The following CADPS variants were observed in gnomAD, a reference collection of about 807,000 sequenced individuals.
The protein encoded by CADPS is calcium-dependent secretion activator 1.
A neutral mutation model predicts 167.3 loss-of-function variants in CADPS; 57 were observed. The observed-to-expected ratio is 0.34, with a 90% CI of 0.28 to 0.42. The LOEUF is 0.42. Among genes scored for constraint, CADPS ranks in the 20% least tolerant of loss-of-function variants. CADPS has a pLI of 1.00. For missense variants in CADPS, 1,414 were observed against 1,738.1 expected, an observed-to-expected ratio of 0.81 and a Z score of 3.32; for synonymous variants, 676 against 635.3, an observed-to-expected ratio of 1.06 and a Z score of -0.96.
Position 62,403,098 on chromosome 3 carries a change from G to C in CADPS, c.3865C>G (p.Leu1289Val). Residue 1289 changes from leucine (L) to valine (V), a missense_variant, in exon 29 of 30, where the codon CTA becomes GTA. Physicochemically the swap from Leu to Val is conservative, Grantham distance 32. This residue lies in a region of CADPS where 185 missense variants were observed against 251.5 expected (regional missense o/e 0.74). Coordinates refer to ENST00000383710, the MANE Select transcript of CADPS (RefSeq NM_003716.4). The part of the protein sequence containing the change: ...LQLHIYQLKT[L>V]IRMVKKTYRD... ...TCTTTTACCTTTACCATCCTAATTAGTGTTTTCAACTGATAAATATGAAGC... is the reference window on the plus strand; with the variant it reads ...TCTTTTACCTTTACCATCCTAATTACTGTTTTCAACTGATAAATATGAAGC... 1 of 1,602,480 alleles carries C rather than the reference G, an allele frequency of 6.2e-7. No individual in the cohort carries two copies. The highest frequency in any genetic ancestry group is 8.5e-7 in the Non-Finnish European group (1 of 1,169,858).
intron 3 of CADPS, among the ~76,000 whole-genome samples, chr3:62,706,458 A>G (rs2082318995): frequency 6.6e-6 from 1 of 152,096 alleles, no homozygotes; most frequent in South Asian, 2.1e-4. Flanking sequence ...GAAAAGAACT[A>G]TATGGGTTTG....
chr3:62,817,603 CT>C, intron 1 of CADPS, among the ~76,000 whole-genome samples: 1 of 152,094 alleles, frequency 6.6e-6, no homozygotes, highest in Non-Finnish European at 1.5e-5. Context: ...CTGGAGTTTC[CT>C]TTAAAGAGAA....
intron 6 of CADPS, among the ~76,000 whole-genome samples, chr3:62,597,159 G>A (rs2059049055): frequency 1.3e-5 from 2 of 152,046 alleles, no homozygotes; most frequent in African/African-American, 4.8e-5. Context: ...GAAAGACCCA[G>A]GCTTTTTATT....
At chr3:62,809,360 T>C (rs140200839) in intron 1 of CADPS, among the ~76,000 whole-genome samples, 20 of 152,330 alleles carry the variant, frequency 1.3e-4, no homozygotes, top group African/African-American at 4.8e-4. Context: ...GTGATGTCAC[T>C]ACCTTTGCCC....
At chr3:62,475,076 G>A (rs1010825458) in intron 23 of CADPS, among the ~76,000 whole-genome samples, 5 of 152,016 alleles carry the variant, frequency 3.3e-5, no homozygotes, top group East Asian at 1.9e-4. Flanking sequence ...TTATATGTAC[G>A]CTTAATATAC....
At chr3:62,711,684 A>C (rs2083417377) in intron 3 of CADPS, among the ~76,000 whole-genome samples, 1 of 152,196 alleles carries the variant, frequency 6.6e-6, no homozygotes. Flanking sequence ...ACTGAATCCC[A>C]AGTCTCCCCT....
intron 3 of CADPS, among the ~76,000 whole-genome samples, chr3:62,748,680 G>A (rs1475117913): frequency 1.1e-4 from 17 of 152,124 alleles, no homozygotes; most frequent in Admixed American, 1.1e-3. Context: ...TCATTTCTCA[G>A]ATAATAAAAC....
At chr3:62,806,447 G>A (rs1327376275) in intron 1 of CADPS, among the ~76,000 whole-genome samples, 1 of 151,776 alleles carries the variant, frequency 6.6e-6, no homozygotes, top group African/African-American at 2.4e-5. Flanking sequence ...CAGGAAGATT[G>A]CTTGAGTATG....
chr3:62,683,192 G>T (rs771263335), intron 3 of CADPS, among the ~76,000 whole-genome samples: 1 of 151,918 alleles, frequency 6.6e-6, no homozygotes, highest in South Asian at 2.1e-4. Context: ...GCAATAAGAC[G>T]TCATTGAAAA....
intron 3 of CADPS, among the ~76,000 whole-genome samples, chr3:62,680,487 T>C (rs2076981842): frequency 6.6e-6 from 1 of 151,996 alleles, no homozygotes; most frequent in Non-Finnish European, 1.5e-5. Context: ...GTCACACACA[T>C]CTAATCATTT....
rs766138873 is a variant in CADPS, at chr3:62,792,101, T to A, written c.442-26117A>T. ...CAAGAATGCACCACTCTAATCAATA[T>A]CAGCATGTAGGAAGATAAAACACTT... On this transcript the variant is annotated intron_variant, in intron 1 of 29. Coordinates refer to ENST00000383710, the MANE Select transcript of CADPS (RefSeq NM_003716.4). 3.3e-5 allele frequency among the ~76,000 whole-genome samples: 5 copies of A among 152,034 alleles called. No individual in the cohort carries two copies. In the South Asian group the frequency reaches 6.2e-4, roughly 19 times the overall value.
intron 6 of CADPS, among the ~76,000 whole-genome samples, chr3:62,593,856 G>A (rs777090532): frequency 6.6e-6 from 1 of 152,176 alleles, no homozygotes; most frequent in Non-Finnish European, 1.5e-5. Context: ...TTATTGATTT[G>A]TGTCATTGTT....
At chr3:62,482,437 G>C (rs764796821) in intron 21 of CADPS, among the ~76,000 whole-genome samples, 34 of 152,340 alleles carry the variant, frequency 2.2e-4, no homozygotes, top group Non-Finnish European at 4.3e-4. Flanking sequence ...AAAGACAGGT[G>C]TATGGGCAAT....
chr3:62,555,159 G>A (rs1157386233), intron 10 of CADPS, among the ~76,000 whole-genome samples: 1 of 152,182 alleles, frequency 6.6e-6, no homozygotes, highest in Non-Finnish European at 1.5e-5. Flanking sequence ...ATAGGACTTA[G>A]CACATGGAAA....
At chr3:62,853,720 G>A (rs1238321113) in intron 1 of CADPS, among the ~76,000 whole-genome samples, 1 of 151,994 alleles carries the variant, frequency 6.6e-6, no homozygotes, top group East Asian at 1.9e-4. Context: ...CAGCCCTTTG[G>A]GAGCCTGAGG....
intron 1 of CADPS, chr3:62,814,510 T>C (rs548622391): frequency 9.2e-5 from 14 of 152,286 alleles, no homozygotes; most frequent in Non-Finnish European, 5.9e-5. Context: ...TACCTATTCA[T>C]GCGATATTTT....
intron 1 of CADPS, among the ~76,000 whole-genome samples, chr3:62,828,749 C>T (rs1281450419): frequency 6.6e-6 from 1 of 152,154 alleles, no homozygotes; most frequent in African/African-American, 2.4e-5. Flanking sequence ...TTATCTTCGA[C>T]TTATTCTGCT....
At chr3:62,502,419 T>TA (rs1424064045) in intron 17 of CADPS, among the ~76,000 whole-genome samples, 2 of 152,176 alleles carry the variant, frequency 1.3e-5, no homozygotes, top group African/African-American at 4.8e-5. Flanking sequence ...ATAGTATACT[T>TA]AAGAACCATT....
intron 6 of CADPS, among the ~76,000 whole-genome samples, chr3:62,620,475 C>T (rs975680369): frequency 6.6e-6 from 1 of 152,156 alleles, no homozygotes; most frequent in Admixed American, 6.5e-5. Context: ...TTACTGAACA[C>T]TTAATATACT....
Sources: gnomAD v4.1 joint callset for allele counts (sites outside exome capture counted in the v4.1 genomes callset) on GRCh38, gnomAD v4.1.1 for gene constraint, gnomAD v4.1.1 regional missense constraint, MANE v1.5 for transcripts, NCBI Gene and HGNC (gene_info 2026-07-23, HGNC 2026-07-21) for gene names.